GATAD2A: variants seen among roughly 807,000 people sequenced by gnomAD.
The protein encoded by GATAD2A is GATA zinc finger domain containing 2A.
A neutral mutation model predicts 68.5 loss-of-function variants in GATAD2A; 12 were observed. The observed-to-expected ratio is 0.18, with a 90% CI of 0.11 to 0.28. GATAD2A has a LOEUF of 0.28. Ranked by LOEUF, GATAD2A falls within the 10% of genes least tolerant of loss-of-function variation. The pLI is 1.00. For missense variants in GATAD2A, 755 were observed against 868.5 expected, an observed-to-expected ratio of 0.87 and a Z score of 1.64; for synonymous variants, 410 against 375.3, an observed-to-expected ratio of 1.09 and a Z score of -1.07.
intron 1 of GATAD2A, among the ~76,000 whole-genome samples, chr19:19,400,396 T>G (rs1383844941): frequency 6.6e-6 from 1 of 152,120 alleles, no homozygotes; most frequent in African/African-American, 2.4e-5. Context: ...GTTGACAAAG[T>G]GGACCATCCC....
chr19:19,417,862 T>C (rs2147213486), intron 1 of GATAD2A, among the ~76,000 whole-genome samples: 1 of 152,280 alleles, frequency 6.6e-6, no homozygotes, highest in South Asian at 2.1e-4. Flanking sequence ...AGTTCATCTG[T>C]TTGACAACTG....
At position 19,475,045 on chromosome 19, in the gene GATAD2A, A is replaced by G. The variant is rs1458935200; in HGVS notation, c.269+9431A>G. Among the ~76,000 whole-genome samples the G allele has an allele frequency of 2.0e-5, 3 of 152,196 alleles. No homozygotes were observed. The East Asian group carries it at 5.8e-4, about 29-fold the overall frequency. On this transcript the variant is annotated intron_variant, in intron 2 of 11. Transcript: ENST00000683918. ...CAGTTGCTGGTGCCACAGAACCCCT[A>G]TCATCGTTGTGTTGGCTGCCTGCAT...
Position 19,506,854 on chromosome 19 carries a change from A to G in GATAD2A, c.*1380A>G, listed in dbSNP as rs541871730. The G allele has an allele frequency of 3.9e-5, 6 of 152,284 alleles. No individual in the cohort carries two copies. The highest frequency in any genetic ancestry group is 3.9e-4 in the East Asian group (2 of 5,176). The allele number at this position is 152,284 out of a possible 1,614,324, so 9.4% of individuals were successfully genotyped here. ...TGAGTTCTGGGCTCCACTGGTTCCA[A>G]TTGAGCTCCAGCCCTGGTTTTCCTA... On this transcript the variant is annotated 3_prime_UTR_variant, in exon 12 of 12. Transcript: ENST00000683918.
chr19:19,501,531 TA>T, intron 9 of GATAD2A, 115 bp downstream of exon 9: 2 of 844,102 alleles, frequency 2.4e-6, no homozygotes, highest in Non-Finnish European at 3.6e-6. Context: ...AAATTGCAGT[TA>T]ATGGTGGTGT....
chr19:19,403,523 G>C (rs2049945799), upstream of GATAD2A, among the ~76,000 whole-genome samples: 3 of 151,984 alleles, frequency 2.0e-5, no homozygotes, highest in African/African-American at 4.8e-5. Context: ...ACTCCACAGG[G>C]GTGTGTCATT....
intron 1 of GATAD2A, among the ~76,000 whole-genome samples, chr19:19,408,528 CGTGT>C (rs147448210): frequency 0.014 from 2,156 of 152,018 alleles, 56 homozygotes; most frequent in African/African-American, 0.049. Flanking sequence ...CTGTATTTTG[CGTGT>C]GTGTGTATGT....
At position 19,456,797 on chromosome 19, in the gene GATAD2A, C is replaced by T. The variant is rs542234024; in HGVS notation, c.-6-8543C>T. Among the ~76,000 whole-genome samples, 427 of 152,302 alleles carry T rather than the reference C, an allele frequency of 2.8e-3. 3 individuals are homozygous for T. In the South Asian group the frequency reaches 0.037, roughly 13 times the overall value. On this transcript the variant is annotated intron_variant, in intron 1 of 11. Coordinates refer to ENST00000683918, the MANE Select transcript of GATAD2A (RefSeq NM_001384528.1). ...GTACAGGTCCAGTGCTCCCCATGTC[C>T]TTTGGAATCTTCAGGTCTGACTCTT...
chr19:19,468,345 G>A (rs556655298), intron 2 of GATAD2A, among the ~76,000 whole-genome samples: 1 of 152,344 alleles, frequency 6.6e-6, no homozygotes, highest in South Asian at 2.1e-4. Context: ...CTTGGAGATG[G>A]GCAAGTGGGG....
rs1427939921 is a variant in GATAD2A, at chr19:19,430,552, G to A, written c.-7+24533G>A. On this transcript the variant is annotated intron_variant, in intron 1 of 11. Coordinates refer to ENST00000683918, the MANE Select transcript of GATAD2A (RefSeq NM_001384528.1). ...CAAGCTGTGTTTGGATGCAGAACTAGTTGAAAAATTCTAGAGACAGCACAA... is the reference window on the plus strand; with the variant it reads ...CAAGCTGTGTTTGGATGCAGAACTAATTGAAAAATTCTAGAGACAGCACAA... 3.9e-5 allele frequency among the ~76,000 whole-genome samples: 6 copies of A among 152,216 alleles called. No individual in the cohort carries two copies. The South Asian group carries it at 8.3e-4, about 21-fold the overall frequency.
At chr19:19,478,040 A>G (rs2058793153) in intron 2 of GATAD2A, among the ~76,000 whole-genome samples, 2 of 152,230 alleles carry the variant, frequency 1.3e-5, no homozygotes, top group South Asian at 4.1e-4. Flanking sequence ...ATAAGCAATT[A>G]TAGTGTATCT....
At chr19:19,434,076 T>C (rs1000281064) in intron 1 of GATAD2A, among the ~76,000 whole-genome samples, 3 of 152,232 alleles carry the variant, frequency 2.0e-5, no homozygotes. Flanking sequence ...CCCGGCCTTC[T>C]TTCATTTTTC....
upstream of GATAD2A, among the ~76,000 whole-genome samples, chr19:19,404,690 A>G (rs778520761): frequency 1.4e-4 from 22 of 152,164 alleles, no homozygotes; most frequent in Non-Finnish European, 2.4e-4. Context: ...CTCCAAAAAA[A>G]AGAAAAAAGA....
At chr19:19,483,320 A>G (rs1173128656) in intron 2 of GATAD2A, among the ~76,000 whole-genome samples, 2 of 152,192 alleles carry the variant, frequency 1.3e-5, no homozygotes, top group Non-Finnish European at 2.9e-5. Context: ...TGAAGTCTCC[A>G]GGAAGAATGA....
At chr19:19,501,444 C>T (rs375378804) in intron 9 of GATAD2A, 28 bp downstream of exon 9, 40 of 1,543,510 alleles carry the variant, frequency 2.6e-5, no homozygotes, top group African/African-American at 2.1e-4. Context: ...CCGGCAGTGC[C>T]GTCCCTAGGA....
intron 1 of GATAD2A, among the ~76,000 whole-genome samples, chr19:19,399,336 C>T (rs1383774778): frequency 6.6e-6 from 1 of 152,098 alleles, no homozygotes; most frequent in African/African-American, 2.4e-5. Context: ...CCTTGACCTC[C>T]CAGGCTCAAG....
At chr19:19,488,580 G>C (rs77653002) in intron 2 of GATAD2A, among the ~76,000 whole-genome samples, 2 of 152,194 alleles carry the variant, frequency 1.3e-5, no homozygotes, top group African/African-American at 2.4e-5. Flanking sequence ...AAGTGGGATC[G>C]TGTCTCAATT....
In GATAD2A at chr19:19,416,223, T is replaced by G. The variant is rs756782264; in HGVS notation, c.-7+10204T>G. The stretch of plus-strand genomic sequence containing the variant: ...GGAAATGGGAGGAGCCAACTAAATA[T>G]CAGGTCCTGCACTGGGCTCCAGTGG... On this transcript the variant is annotated intron_variant, in intron 1 of 11. Transcript: ENST00000683918. Among the ~76,000 whole-genome samples the G allele has an allele frequency of 2.0e-5, 3 of 152,176 alleles. 1 individual carries two copies. The highest frequency in any genetic ancestry group is 4.4e-5 in the Non-Finnish European group (3 of 68,024).
At chr19:19,436,072 G>A (rs2147530600) in intron 1 of GATAD2A, 2 of 873,216 alleles carry the variant, frequency 2.3e-6, no homozygotes, top group South Asian at 2.6e-5. Context: ...AGAAATGCCA[G>A]TATGTTCCAG....
At chr19:19,443,701 G>A (rs1290831718) in intron 1 of GATAD2A, among the ~76,000 whole-genome samples, 1 of 151,994 alleles carries the variant, frequency 6.6e-6, no homozygotes. Context: ...CTCTGTGGGT[G>A]GATTTGAAAT....
Sources: allele counts gnomAD v4.1 joint callset (sites outside exome capture counted in the v4.1 genomes callset), GRCh38; gene constraint gnomAD v4.1.1; transcripts MANE v1.5; gene names NCBI Gene and HGNC (gene_info 2026-07-23, HGNC 2026-07-21).